The following CFAP299 variants were observed in gnomAD, a reference collection of about 807,000 sequenced individuals.
CFAP299 encodes the protein cilia and flagella associated protein 299.
In CFAP299, 21 loss-of-function variants were observed where a neutral mutation model predicts 27.0. The observed-to-expected ratio is 0.78, with a 90% CI of 0.55 to 1.12. CFAP299 has a LOEUF of 1.12. CFAP299 is among the 50% of genes most tolerant of loss of function. The pLI, the probability that CFAP299 is intolerant of heterozygous loss-of-function variation, is 0.00. For synonymous variants in CFAP299, 104 were observed against 98.1 expected, an observed-to-expected ratio of 1.06 and a Z score of -0.36; for missense variants, 310 against 276.6, an observed-to-expected ratio of 1.12 and a Z score of -0.86.
intron 3 of CFAP299, among the ~76,000 whole-genome samples, chr4:80,830,003 G>T (rs943645056): frequency 6.6e-6 from 1 of 152,004 alleles, no homozygotes; most frequent in South Asian, 2.1e-4. Context: ...GAGATAGATG[G>T]TGGTAATGAT....
At chr4:80,638,178 A>G (rs557599879) in intron 3 of CFAP299, among the ~76,000 whole-genome samples, 1 of 152,280 alleles carries the variant, frequency 6.6e-6, no homozygotes, top group Admixed American at 6.5e-5. Context: ...TAGACCAGAA[A>G]CAAGTAACTT....
At chr4:80,737,938 C>T (rs1190884932) in intron 3 of CFAP299, among the ~76,000 whole-genome samples, 1 of 152,068 alleles carries the variant, frequency 6.6e-6, no homozygotes, top group African/African-American at 2.4e-5. Flanking sequence ...TTAATTATCA[C>T]TTGTTTCCAA....
At chr4:80,880,974 A>G (rs971982991) in intron 4 of CFAP299, among the ~76,000 whole-genome samples, 3 of 152,134 alleles carry the variant, frequency 2.0e-5, no homozygotes, top group African/African-American at 4.8e-5. Flanking sequence ...CGTACTGAGC[A>G]CTGAACCACC....
intron 2 of CFAP299, among the ~76,000 whole-genome samples, chr4:80,437,280 C>CA (rs1354717596): frequency 2.6e-5 from 4 of 152,098 alleles, no homozygotes; most frequent in African/African-American, 9.7e-5. Context: ...TAATTTTTGC[C>CA]ATTTATCTCT....
At position 80,469,809 on chromosome 4, in the gene CFAP299, G is replaced by A. The variant is rs562980838; in HGVS notation, c.242+106925G>A. ...TTTGACACTCAGTCCTATTAATATT[G>A]TAAGTCTTCTTGTATATTTACCTGC... On this transcript the variant is annotated intron_variant, in intron 2 of 5. Coordinates refer to ENST00000358105, the MANE Select transcript of CFAP299 (RefSeq NM_152770.3). Among the ~76,000 whole-genome samples, 76 of 152,082 alleles carry A rather than the reference G, an allele frequency of 5.0e-4. 1 individual carries two copies. The highest frequency in any genetic ancestry group is 1.8e-3 in the African/African-American group (73 of 41,496).
intron 2 of CFAP299, among the ~76,000 whole-genome samples, chr4:80,578,215 A>G (rs1327649176): frequency 6.6e-6 from 1 of 152,216 alleles, no homozygotes; most frequent in Non-Finnish European, 1.5e-5. Context: ...CTGCTTTTGT[A>G]ATATTTATTT....
At chr4:80,344,362 A>G (rs750956339) in intron 1 of CFAP299, among the ~76,000 whole-genome samples, 6 of 152,172 alleles carry the variant, frequency 3.9e-5, no homozygotes, top group Non-Finnish European at 5.9e-5. Context: ...AGATAATATT[A>G]TGAACACCTC....
rs550907485 is a variant in CFAP299, at chr4:80,736,314, C to T, written c.334-133679C>T. On this transcript the variant is annotated intron_variant, in intron 3 of 5. Transcript: ENST00000358105. ...TTTCTACATATGGCTAGCCAGTTTT[C>T]CCAGCACCATTTATTAAATAGGGAA... Among the ~76,000 whole-genome samples, 9 of 152,186 alleles carry T rather than the reference C, an allele frequency of 5.9e-5. No individual in the cohort carries two copies. The South Asian group carries it at 1.9e-3, about 32-fold the overall frequency.
intron 3 of CFAP299, among the ~76,000 whole-genome samples, chr4:80,767,084 CTA>C (rs1461578887): frequency 1.3e-5 from 2 of 152,034 alleles, no homozygotes; most frequent in Admixed American, 6.6e-5. Flanking sequence ...CCTATATGTA[CTA>C]TGTTTTTCCT....
chr4:80,442,786 T>A (rs1491002969), intron 2 of CFAP299, among the ~76,000 whole-genome samples: 2 of 151,878 alleles, frequency 1.3e-5, no homozygotes, highest in Non-Finnish European at 2.9e-5. Context: ...ATAGATAGAC[T>A]AGTAGCCGGA....
intron 3 of CFAP299, among the ~76,000 whole-genome samples, chr4:80,620,357 G>A (rs1738521065): frequency 6.6e-6 from 1 of 152,126 alleles, no homozygotes; most frequent in South Asian, 2.1e-4. Flanking sequence ...TCACTCCAGA[G>A]AAGAATGAAA....
chr4:80,437,794 G>A (rs969414490), intron 2 of CFAP299, among the ~76,000 whole-genome samples: 2 of 152,184 alleles, frequency 1.3e-5, no homozygotes, highest in Non-Finnish European at 2.9e-5. Context: ...AAAGCGATTA[G>A]TAATATTGTA....
chr4:80,930,137 C>G (rs1440610486), intron 4 of CFAP299, among the ~76,000 whole-genome samples: 5 of 152,080 alleles, frequency 3.3e-5, no homozygotes. Flanking sequence ...AGTTCATCAC[C>G]AATGGCCATT....
At chr4:80,481,995 A>C (rs1730591470) in intron 2 of CFAP299, among the ~76,000 whole-genome samples, 1 of 152,022 alleles carries the variant, frequency 6.6e-6, no homozygotes, top group Non-Finnish European at 1.5e-5. Context: ...AAAATATGGA[A>C]ATGCACATGA....
chr4:80,688,159 C>T lies in CFAP299; in HGVS notation c.333+104976C>T, dbSNP rs532557655. 2.8e-4 allele frequency among the ~76,000 whole-genome samples: 43 copies of T among 152,288 alleles called. No homozygotes were observed. The East Asian group carries it at 7.2e-3, about 25-fold the overall frequency. On this transcript the variant is annotated intron_variant, in intron 3 of 5. Coordinates refer to ENST00000358105, the MANE Select transcript of CFAP299 (RefSeq NM_152770.3). ...GGCTTGCTTAGGTAAACAAAGCAGC[C>T]GGGAAGCTCGAACAGAGTGGAACCC...
chr4:80,688,655 C>T (rs1313064949), intron 3 of CFAP299, among the ~76,000 whole-genome samples: 5 of 152,348 alleles, frequency 3.3e-5, no homozygotes, highest in Admixed American at 1.3e-4. Flanking sequence ...TCCAAAGGAA[C>T]GCAGTTCCTC....
intron 3 of CFAP299, among the ~76,000 whole-genome samples, chr4:80,678,101 G>A (rs932029063): frequency 1.3e-4 from 20 of 151,782 alleles, no homozygotes; most frequent in Non-Finnish European, 2.1e-4. Context: ...TCTATTTTGG[G>A]TATTTAACCC....
At chr4:80,575,169 T>A (rs975876464) in intron 2 of CFAP299, among the ~76,000 whole-genome samples, 3 of 152,154 alleles carry the variant, frequency 2.0e-5, no homozygotes, top group Non-Finnish European at 4.4e-5. Context: ...TGTTTTGGTT[T>A]TCTTCATGGT....
chr4:80,731,139 A>T (rs1395263176), intron 3 of CFAP299, among the ~76,000 whole-genome samples: 2 of 152,222 alleles, frequency 1.3e-5, no homozygotes, highest in Non-Finnish European at 2.9e-5. Context: ...CATTTTGGAA[A>T]ATATAAAGAA....
Sources: allele counts gnomAD v4.1 joint callset (sites outside exome capture counted in the v4.1 genomes callset), GRCh38; gene constraint gnomAD v4.1.1; transcripts MANE v1.5; gene names NCBI Gene and HGNC (gene_info 2026-07-23, HGNC 2026-07-21).